The following DOCK8 variants were observed in gnomAD, a reference collection of about 807,000 sequenced individuals.
DOCK8 encodes dedicator of cytokinesis 8, also known as dedicator of cytokinesis protein 8.
Under a neutral mutation model 245.6 loss-of-function variants are expected in DOCK8, and 141 were observed. The observed-to-expected ratio is 0.57, with a 90% CI of 0.50 to 0.66. The LOEUF is 0.66. DOCK8 is among the 30% of genes least tolerant of loss of function. The pLI, the probability that DOCK8 is intolerant of heterozygous loss-of-function variation, is 0.00. For synonymous variants in DOCK8, 1,168 were observed against 970.2 expected (o/e 1.20, Z -3.79); for missense variants, 2,965 against 2,603.4 (o/e 1.14, Z -3.02).
chr9:274,457 A>G (rs909199332), intron 2 of DOCK8, among the ~76,000 whole-genome samples: 1 of 140,524 alleles, frequency 7.1e-6, no homozygotes, highest in Admixed American at 7.3e-5. Flanking sequence ...AGCCCAGAGG[A>G]TTGAATTCTT....
chr9:271,709 G>T lies in DOCK8; in HGVS notation c.136G>T (p.Gly46Cys). The change falls in exon 2 of 48, where the codon GGC becomes TGC. Residue 46 changes from glycine (G) to cysteine (C), a missense_variant. Transcript: ENST00000432829. Reference protein sequence around the residue: ...QYHRQSISTSGFPSLQLPQFY... With the variant: ...QYHRQSISTSCFPSLQLPQFY... ...CCATCGACAGAGCATAAGTACCTCT[G>T]GCTTCCCCTCTCTTCAACTAGTAAG... 6.4e-7 allele frequency: 1 copy of T among 1,551,414 alleles called. No individual in the cohort carries two copies. The highest frequency in any genetic ancestry group is 1.2e-5 in the South Asian group (1 of 83,942).
intron 14 of DOCK8, among the ~76,000 whole-genome samples, chr9:355,404 T>C (rs1273258554): frequency 6.6e-6 from 1 of 151,916 alleles, no homozygotes; most frequent in African/African-American, 2.4e-5. Context: ...GGGTTTCACC[T>C]TGTTGGCCAG....
chr9:327,046 C>A (rs1586707078), intron 8 of DOCK8, among the ~76,000 whole-genome samples: 1 of 152,232 alleles, frequency 6.6e-6, no homozygotes, highest in Non-Finnish European at 1.5e-5. Context: ...GATTCATTCC[C>A]TACAACCAGG....
intron 2 of DOCK8, among the ~76,000 whole-genome samples, chr9:285,405 C>G (rs2048777796): frequency 6.6e-6 from 1 of 152,136 alleles, no homozygotes; most frequent in South Asian, 2.1e-4. Context: ...AGTAAAGAAT[C>G]CAAGATATTT....
chr9:389,592 CCAGCAG>C (rs113659484), intron 23 of DOCK8, among the ~76,000 whole-genome samples: 8 of 151,192 alleles, frequency 5.3e-5, no homozygotes, highest in Non-Finnish European at 7.4e-5. Flanking sequence ...TAACCCTGGA[CCAGCAG>C]CAGCAGCAGC....
chr9:385,175 A>G (rs929822875), intron 22 of DOCK8, among the ~76,000 whole-genome samples: 1 of 152,236 alleles, frequency 6.6e-6, no homozygotes, highest in African/African-American at 2.4e-5. Flanking sequence ...TAAATAAGTT[A>G]TATTAAAAAC....
At chr9:401,088 C>CTCCCAT (rs1458626291) in intron 26 of DOCK8, among the ~76,000 whole-genome samples, 9 of 127,214 alleles carry the variant, frequency 7.1e-5, no homozygotes, top group African/African-American at 4.4e-4. Context: ...ACCACCACCT[C>CTCCCAT]CACCACCATC....
At position 400,949 on chromosome 9, in the gene DOCK8, A is replaced by T. The variant is rs1411299501; in HGVS notation, c.3234+1690A>T. Among the ~76,000 whole-genome samples, 18 of 113,424 alleles carry T rather than the reference A, an allele frequency of 1.6e-4. No individual in the cohort carries two copies. The East Asian group carries it at 2.7e-3, about 17-fold the overall frequency. The allele number at this position is 113,424 out of a possible 152,430, so 74.4% of individuals were successfully genotyped here. ...CACCACAACATCCACCACCACCATCACCACCACCACCACCACCTCCTCCAC... is the reference window on the plus strand; with the variant it reads ...CACCACAACATCCACCACCACCATCTCCACCACCACCACCACCTCCTCCAC... On this transcript the variant is annotated intron_variant, in intron 26 of 47. Transcript: ENST00000432829.
intron 1 of DOCK8, among the ~76,000 whole-genome samples, chr9:235,154 G>T (rs1419424332): frequency 1.3e-5 from 2 of 152,210 alleles, no homozygotes; most frequent in Non-Finnish European, 2.9e-5. Flanking sequence ...GAGTTTGCTA[G>T]AGGTCCACTC....
rs546058832 is a variant in DOCK8 at position 273,451 on chromosome 9, T to A, written c.156+1722T>A. On this transcript the variant is annotated intron_variant, in intron 2 of 47. Transcript: ENST00000432829. The stretch of plus-strand genomic sequence containing the variant: ...AATTGAAAAATCAAAAAAATTTTTT[T>A]AAATTGACTGAAGTTGTATTCCAAA... Among the ~76,000 whole-genome samples, 20 of 152,352 alleles carry A rather than the reference T, an allele frequency of 1.3e-4. 1 individual carries two copies. In the East Asian group the frequency reaches 3.5e-3, roughly 26 times the overall value.
intron 14 of DOCK8, among the ~76,000 whole-genome samples, chr9:360,502 T>C (rs1056500529): frequency 1.3e-5 from 2 of 152,234 alleles, no homozygotes; most frequent in Non-Finnish European, 2.9e-5. Flanking sequence ...TATATCATTT[T>C]ATAACAGTCT....
intron 30 of DOCK8, 143 bp from the exon 31 acceptor site, chr9:420,258 G>C (rs2056219007): frequency 1.1e-6 from 1 of 919,218 alleles, no homozygotes; most frequent in African/African-American, 1.6e-5. Flanking sequence ...ACTGGCAATA[G>C]ATCTCCAGCC....
At chr9:410,237 A>G (rs1363780479) in intron 28 of DOCK8, among the ~76,000 whole-genome samples, 1 of 152,200 alleles carries the variant, frequency 6.6e-6, no homozygotes, top group African/African-American at 2.4e-5. Context: ...AAAATATAAT[A>G]TTCCATTATC....
At chr9:238,489 A>T (rs1236007247) in intron 1 of DOCK8, among the ~76,000 whole-genome samples, 1 of 152,226 alleles carries the variant, frequency 6.6e-6, no homozygotes. Context: ...GAAATAGGAG[A>T]TGGAGAAATG....
intron 4 of DOCK8, among the ~76,000 whole-genome samples, chr9:292,069 CAAAA>C (rs139396600): frequency 5.7e-5 from 3 of 52,566 alleles, no homozygotes; most frequent in East Asian, 5.5e-4. Flanking sequence ...GACCCTATCT[CAAAA>C]AAAAAAAAAA....
At chr9:224,501 G>T (rs1315543580) in intron 1 of DOCK8, among the ~76,000 whole-genome samples, 1 of 152,150 alleles carries the variant, frequency 6.6e-6, no homozygotes, top group Non-Finnish European at 1.5e-5. Flanking sequence ...GGTCAAGCTT[G>T]ACTCTCTCGT....
At chr9:430,697 G>A (rs1033398004) in intron 36 of DOCK8, among the ~76,000 whole-genome samples, 4 of 151,790 alleles carry the variant, frequency 2.6e-5, no homozygotes, top group African/African-American at 9.7e-5. Context: ...GAAAGAAATG[G>A]AAGAGTATTT....
At chr9:389,285 T>G (rs10814632) in intron 23 of DOCK8, among the ~76,000 whole-genome samples, 55,154 of 152,124 alleles carry the variant, frequency 0.36, 13,333 homozygotes, top group African/African-American at 0.69. Flanking sequence ...AGATATGCTG[T>G]AGAATGGAAA....
chr9:304,872 A>C (rs988934306), intron 5 of DOCK8, among the ~76,000 whole-genome samples, 168 bp downstream of exon 5: 1 of 152,192 alleles, frequency 6.6e-6, no homozygotes, highest in African/African-American at 2.4e-5. Context: ...TTGTAGCTGT[A>C]GAAATTGGTG....
Sources: gnomAD v4.1 joint callset for allele counts (sites outside exome capture counted in the v4.1 genomes callset) on GRCh38, gnomAD v4.1.1 for gene constraint, MANE v1.5 for transcripts, NCBI Gene and HGNC (gene_info 2026-07-23, HGNC 2026-07-21) for gene names.